Variants in LCP1 observed in about 807,000 individuals in gnomAD.
LCP1 encodes lymphocyte cytosolic protein 1, also known as plastin-2.
Under a neutral mutation model 72.0 loss-of-function variants are expected in LCP1, and 23 were observed. That is an observed-to-expected ratio of 0.32 (90% confidence interval 0.23 to 0.45). LCP1 has a LOEUF of 0.45. Among genes scored for constraint, LCP1 ranks in the 20% least tolerant of loss-of-function variants. The probability of loss-of-function intolerance (pLI) is 1.00; values close to 1 mark genes in which losing one functional copy is unlikely to be tolerated. For synonymous variants in LCP1, 245 were observed against 275.4 expected, an observed-to-expected ratio of 0.89 and a Z score of 1.09; for missense variants, 571 against 748.3, an observed-to-expected ratio of 0.76 and a Z score of 2.76.
At chr13:46,136,972 A>G (rs150454510) in intron 13 of LCP1, among the ~76,000 whole-genome samples, 95 of 152,324 alleles carry the variant, frequency 6.2e-4, no homozygotes, top group African/African-American at 2.2e-3. Context: ...TAAATGGTGC[A>G]GAGGGGAAGC....
intron 5 of LCP1, among the ~76,000 whole-genome samples, chr13:46,155,513 G>A (rs914064673): frequency 2.0e-5 from 3 of 152,034 alleles, no homozygotes; most frequent in Admixed American, 6.6e-5. Flanking sequence ...GAATTCTCAG[G>A]ACAAACTAAT....
intron 1 of LCP1, among the ~76,000 whole-genome samples, chr13:46,179,326 G>C (rs1485769593): frequency 6.6e-6 from 1 of 152,130 alleles, no homozygotes. Context: ...TAAATATTAA[G>C]TTAATAAGTA....
chr13:46,162,290 G>A (rs1212460775), intron 1 of LCP1, among the ~76,000 whole-genome samples: 4 of 57,026 alleles, frequency 7.0e-5, no homozygotes, highest in Non-Finnish European at 9.8e-5. Context: ...TCCCTCTCCC[G>A]TCTCCCTCAA....
At chr13:46,148,716 G>T in intron 8 of LCP1, 1 of 551,368 alleles carries the variant, frequency 1.8e-6, no homozygotes, top group Non-Finnish European at 2.5e-6. Context: ...TTATTCTGTT[G>T]TCTTTAGGGG....
rs769591379 is a variant in LCP1 at position 46,152,195 on chromosome 13, CTCTT to C, written c.739+581_739+584del. 4.6e-4 allele frequency among the ~76,000 whole-genome samples: 70 copies of C among 152,066 alleles called. No individual in the cohort carries two copies. The East Asian group carries it at 0.011, about 23-fold the overall frequency. ...TTTCTTTCTTCATTTCTCTCTCTAT[CTCTT>C]TCTTTCTTTCTTTTTTGTAGGAAGA... On this transcript the variant is annotated intron_variant, in intron 7 of 15. Coordinates refer to ENST00000323076, the MANE Select transcript of LCP1 (RefSeq NM_002298.5).
chr13:46,155,511 A>G (rs2045794942), intron 5 of LCP1, among the ~76,000 whole-genome samples: 1 of 152,178 alleles, frequency 6.6e-6, no homozygotes, highest in South Asian at 2.1e-4. Flanking sequence ...ATGAATTCTC[A>G]GGACAAACTA....
chr13:46,134,329 T>A, intron 13 of LCP1, 79 bp from the exon 14 acceptor site: 90 of 1,299,282 alleles, frequency 6.9e-5, no homozygotes, highest in Non-Finnish European at 8.7e-5. Flanking sequence ...AAGGATGGAA[T>A]TTTTTTTTCG....
intron 6 of LCP1, among the ~76,000 whole-genome samples, chr13:46,153,477 G>A (rs1444964353): frequency 6.6e-6 from 1 of 152,096 alleles, no homozygotes; most frequent in Non-Finnish European, 1.5e-5. Flanking sequence ...AAGGCGGGTG[G>A]ATCACCTAAG....
intron 14 of LCP1, among the ~76,000 whole-genome samples, chr13:46,133,377 G>A (rs895416582): frequency 6.6e-6 from 1 of 152,188 alleles, no homozygotes; most frequent in Non-Finnish European, 1.5e-5. Flanking sequence ...TAATCCCAAA[G>A]CACTTTGGGA....
intron 1 of LCP1, among the ~76,000 whole-genome samples, chr13:46,179,528 T>C (rs1184540413): frequency 6.6e-6 from 1 of 152,112 alleles, no homozygotes; most frequent in Non-Finnish European, 1.5e-5. Flanking sequence ...GATCAAAGCA[T>C]TGAGCAAATG....
Position 46,146,955 on chromosome 13 carries a change from G to A in LCP1, c.1127C>T (p.Ala376Val), listed in dbSNP as rs1434884619. 3 of 1,614,122 alleles carry A rather than the reference G, an allele frequency of 1.9e-6. No individual in the cohort carries two copies. Among genetic ancestry groups the A allele is most frequent in the Non-Finnish European group, 2.5e-6 (3 of 1,180,022 alleles). ...GTCCTGGTTCTCTGGTTTGTGCAGG[G>A]CAGGGTATCTGTTAAAGAGGTTGGC... ...FIANLFNRYP[A>V]LHKPENQDID... The change falls in exon 10 of 16, where the codon GCC becomes GTC. Residue 376 changes from alanine (A) to valine (V), a missense_variant. Transcript: ENST00000323076.
chr13:46,128,186 T>C (rs898019262), intron 15 of LCP1, among the ~76,000 whole-genome samples: 1 of 152,106 alleles, frequency 6.6e-6, no homozygotes, highest in Admixed American at 6.5e-5. Flanking sequence ...TTGGGCTACA[T>C]AGCAGCATAG....
chr13:46,164,523 C>G (rs1368577420), intron 1 of LCP1, among the ~76,000 whole-genome samples: 1 of 152,110 alleles, frequency 6.6e-6, no homozygotes, highest in Non-Finnish European at 1.5e-5. Context: ...AGAAGTCAAA[C>G]AGCAAGAACA....
At chr13:46,171,072 C>T (rs2045902358) in intron 1 of LCP1, among the ~76,000 whole-genome samples, 1 of 152,176 alleles carries the variant, frequency 6.6e-6, no homozygotes, top group Admixed American at 6.5e-5. Flanking sequence ...AGCTAAAGAA[C>T]AAATGAAAAG....
At chr13:46,178,994 G>A (rs2045944638) in intron 1 of LCP1, among the ~76,000 whole-genome samples, 1 of 152,200 alleles carries the variant, frequency 6.6e-6, no homozygotes, top group Non-Finnish European at 1.5e-5. Context: ...AGAATTTTCT[G>A]AGAATAATCC....
rs1218449676 is a variant in LCP1 at position 46,150,976 on chromosome 13, G to T, written c.842C>A (p.Ala281Glu). The T allele has an allele frequency of 1.9e-6, 3 of 1,613,896 alleles. No individual in the cohort carries two copies. Among genetic ancestry groups the T allele is most frequent in the Non-Finnish European group, 2.5e-6 (3 of 1,179,828 alleles). ...GAAGTTGCCAATTTTGTTGCAGCCT[G>T]CATTTTCCAGGTGGTAATTAGCCCA... ...LRWANYHLENAGCNKIGNFST... is the reference protein window; with the variant it reads ...LRWANYHLENEGCNKIGNFST... Residue 281 changes from alanine (A) to glutamate (E), a missense_variant, in exon 8 of 16, where the codon GCA (alanine) becomes GAA (glutamate). Coordinates refer to ENST00000323076, the MANE Select transcript of LCP1 (RefSeq NM_002298.5).
rs772371189 is a variant in LCP1, at chr13:46,127,551, A to G, written c.*40T>C. 6.2e-7 allele frequency: 1 copy of G among 1,612,234 alleles called. No individual in the cohort carries two copies. Among genetic ancestry groups the G allele is most frequent in the Non-Finnish European group, 8.5e-7 (1 of 1,179,028 alleles). The stretch of plus-strand genomic sequence containing the variant: ...CCTGGAGCATCTGTGCCGGGCAGTC[A>G]GGAGTGAGTGCACCGCCTCCCACCC... On this transcript the variant is annotated 3_prime_UTR_variant, in exon 16 of 16. Transcript: ENST00000323076.
At position 46,159,099 on chromosome 13, in the gene LCP1, G is replaced by T. The variant is rs963119648; in HGVS notation, c.65-110C>A. On this transcript the variant is annotated intron_variant, in intron 2 of 15. Coordinates refer to ENST00000323076, the MANE Select transcript of LCP1 (RefSeq NM_002298.5). ...AAGGGACGAGAGAGGCTATCATTCA[G>T]ACATTAAGGCATGATCCCAGGGAAG... The T allele has an allele frequency of 5.1e-6, 5 of 972,472 alleles. No homozygotes were observed. In the African/African-American group the frequency reaches 8.0e-5, roughly 16 times the overall value. 60.2% of individuals were successfully genotyped at this position (972,472 alleles called of 1,614,324 possible).
At chr13:46,178,798 C>T (rs1401964614) in intron 1 of LCP1, among the ~76,000 whole-genome samples, 2 of 152,130 alleles carry the variant, frequency 1.3e-5, no homozygotes, top group African/African-American at 4.8e-5. Context: ...ATAAAATCTA[C>T]TATTAGTAAT....
Sources: gnomAD v4.1 joint callset for allele counts (sites outside exome capture counted in the v4.1 genomes callset) on GRCh38, gnomAD v4.1.1 for gene constraint, MANE v1.5 for transcripts, NCBI Gene and HGNC (gene_info 2026-07-23, HGNC 2026-07-21) for gene names.